The following DNER variants were observed in gnomAD, a reference collection of about 807,000 sequenced individuals.
The protein encoded by DNER is delta/notch like EGF repeat containing, also known as delta and Notch-like epidermal growth factor-related receptor.
A neutral mutation model predicts 78.2 loss-of-function variants in DNER; 33 were observed. That is an observed-to-expected ratio of 0.42 (90% CI 0.32 to 0.56). The LOEUF is 0.56. DNER is among the 20% of genes least tolerant of loss of function. DNER has a pLI of 0.11. For missense variants in DNER, 918 were observed against 975.3 expected, an observed-to-expected ratio of 0.94 and a Z score of 0.78; for synonymous variants, 417 against 384.8, an observed-to-expected ratio of 1.08 and a Z score of -0.98.
chr2:229,642,278 A>G (rs1456235387), intron 1 of DNER, among the ~76,000 whole-genome samples: 1 of 152,134 alleles, frequency 6.6e-6, no homozygotes, highest in Non-Finnish European at 1.5e-5. Flanking sequence ...AATCCCAACA[A>G]TTATTTTCAT....
intron 7 of DNER, among the ~76,000 whole-genome samples, chr2:229,457,683 G>T (rs1176931754): frequency 6.7e-6 from 1 of 150,326 alleles, no homozygotes; most frequent in East Asian, 2.0e-4. Flanking sequence ...AAATAGCAAT[G>T]AGGTAGACTT....
At chr2:229,465,604 A>G (rs1694787880) in intron 7 of DNER, among the ~76,000 whole-genome samples, 1 of 152,182 alleles carries the variant, frequency 6.6e-6, no homozygotes, top group Admixed American at 6.5e-5. Context: ...AAAATAAAAA[A>G]CAAACAGAAT....
Position 229,565,242 on chromosome 2 carries a change from A to AT in DNER, c.848-18151dup, listed in dbSNP as rs1697082342. On this transcript the variant is annotated intron_variant, in intron 4 of 12. Transcript: ENST00000341772. ...ATGCCAGGATGAAAGCATGGAGGTC[A>AT]TTCAGAGAGTCCTCTAAGCCCTTCT... is the stretch of plus-strand genomic sequence containing the variant. 2.6e-5 allele frequency among the ~76,000 whole-genome samples: 4 copies of AT among 152,346 alleles called. No individual in the cohort carries two copies. In the South Asian group the frequency reaches 8.3e-4, roughly 32 times the overall value.
intron 4 of DNER, among the ~76,000 whole-genome samples, chr2:229,578,247 T>C (rs1464923571): frequency 6.6e-6 from 1 of 152,088 alleles, no homozygotes; most frequent in East Asian, 1.9e-4. Flanking sequence ...TCCCATCTCG[T>C]CCCTATCACC....
At chr2:229,661,317 A>C (rs370193793) in intron 1 of DNER, among the ~76,000 whole-genome samples, 71 of 152,064 alleles carry the variant, frequency 4.7e-4, no homozygotes, top group African/African-American at 1.2e-3. Context: ...ACACCTCCCC[A>C]AAAAAAACTT....
intron 7 of DNER, among the ~76,000 whole-genome samples, chr2:229,458,287 C>T (rs1313614831): frequency 1.3e-5 from 2 of 151,478 alleles, no homozygotes; most frequent in Admixed American, 6.6e-5. Flanking sequence ...AAAAGGGACA[C>T]TTAATATGAA....
chr2:229,672,497 G>A (rs1285264935), intron 1 of DNER, among the ~76,000 whole-genome samples: 1 of 151,234 alleles, frequency 6.6e-6, no homozygotes, highest in Non-Finnish European at 1.5e-5. Context: ...GAGGGATGGA[G>A]GCAGGAAAGG....
intron 11 of DNER, among the ~76,000 whole-genome samples, chr2:229,379,409 T>C (rs1244059429): frequency 6.6e-6 from 1 of 152,170 alleles, no homozygotes; most frequent in Non-Finnish European, 1.5e-5. Flanking sequence ...CCAGGTTACA[T>C]AGTTAGAATA....
chr2:229,467,511 G>C (rs1363947155), intron 7 of DNER, among the ~76,000 whole-genome samples: 1 of 152,152 alleles, frequency 6.6e-6, no homozygotes, highest in African/African-American at 2.4e-5. Context: ...CCTTAAGGTG[G>C]TCAGAGTCAG....
At chr2:229,396,895 A>T (rs1046578446) in intron 10 of DNER, among the ~76,000 whole-genome samples, 12 of 152,124 alleles carry the variant, frequency 7.9e-5, no homozygotes, top group Admixed American at 6.6e-4. Flanking sequence ...ATGTGAGGGA[A>T]GGGCAAAACC....
At chr2:229,493,859 G>C (rs1415292757) in intron 6 of DNER, among the ~76,000 whole-genome samples, 2 of 152,154 alleles carry the variant, frequency 1.3e-5, no homozygotes, top group African/African-American at 4.8e-5. Flanking sequence ...TCTTCCCAAG[G>C]AGCCCAGCTA....
At chr2:229,687,267 T>A (rs1236728379) in intron 1 of DNER, among the ~76,000 whole-genome samples, 1 of 149,704 alleles carries the variant, frequency 6.7e-6, no homozygotes, top group African/African-American at 2.5e-5. Flanking sequence ...CAACTTCTTT[T>A]TTTTTTTTTT....
chr2:229,578,396 A>T (rs1031553952), intron 4 of DNER, among the ~76,000 whole-genome samples: 11 of 152,156 alleles, frequency 7.2e-5, no homozygotes, highest in Admixed American at 2.6e-4. Flanking sequence ...TTATCTCTGG[A>T]TTCCTTTTAA....
intron 7 of DNER, among the ~76,000 whole-genome samples, chr2:229,463,865 T>A (rs1017527813): frequency 3.3e-5 from 5 of 152,160 alleles, no homozygotes; most frequent in African/African-American, 1.2e-4. Context: ...TTTGAGATAA[T>A]GAGAGAACAC....
chr2:229,595,204 A>C (rs1379676479), intron 1 of DNER, among the ~76,000 whole-genome samples: 2 of 152,124 alleles, frequency 1.3e-5, no homozygotes, highest in African/African-American at 4.8e-5. Context: ...TACATTTATT[A>C]TTCTATTTTA....
chr2:229,579,564 G>A (rs1164913974), intron 4 of DNER, among the ~76,000 whole-genome samples: 2 of 151,972 alleles, frequency 1.3e-5, no homozygotes, highest in Non-Finnish European at 2.9e-5. Context: ...CAATTTTTAG[G>A]GACTCAGATA....
At chr2:229,397,684 C>A (rs73100208) in intron 10 of DNER, among the ~76,000 whole-genome samples, 20 of 151,878 alleles carry the variant, frequency 1.3e-4, no homozygotes, top group Non-Finnish European at 2.6e-4. Context: ...GTTCTCTCAC[C>A]GTAATTAAAT....
intron 6 of DNER, among the ~76,000 whole-genome samples, chr2:229,496,078 C>G (rs1277804469): frequency 1.3e-5 from 2 of 152,292 alleles, no homozygotes; most frequent in African/African-American, 2.4e-5. Flanking sequence ...GACCTCAAAG[C>G]TTCTGATATA....
chr2:229,514,213 T>C (rs992155204), intron 5 of DNER, among the ~76,000 whole-genome samples: 2 of 152,200 alleles, frequency 1.3e-5, no homozygotes, highest in African/African-American at 2.4e-5. Context: ...TACACAGGAA[T>C]AAAATACTAG....
Sources: gnomAD v4.1 joint callset for allele counts (sites outside exome capture counted in the v4.1 genomes callset) on GRCh38, gnomAD v4.1.1 for gene constraint, MANE v1.5 for transcripts, NCBI Gene and HGNC (gene_info 2026-07-23, HGNC 2026-07-21) for gene names.